GPSM2: variants seen among roughly 807,000 people sequenced by gnomAD.
The protein encoded by GPSM2 is G protein signaling modulator 2.
GPSM2 carries 58 observed loss-of-function variants against 78.4 expected under a neutral mutation model. That is an observed-to-expected ratio of 0.74 (90% CI 0.60 to 0.92). GPSM2 has a LOEUF of 0.92. Ranked by LOEUF, GPSM2 falls within the 40% of genes least tolerant of loss-of-function variation. The pLI, the probability that GPSM2 is intolerant of heterozygous loss-of-function variation, is 0.00. For missense variants in GPSM2, 700 were observed against 815.5 expected (o/e 0.86, Z 1.73); for synonymous variants, 224 against 280.2 (o/e 0.80, Z 2.00).
intron 5 of GPSM2, 150 bp from the exon 6 acceptor site, chr1:108,898,492 C>T (rs1174354755): frequency 1.5e-6 from 1 of 680,478 alleles, no homozygotes; most frequent in African/African-American, 1.8e-5. Flanking sequence ...TATAATTGCT[C>T]TTCATCATAG....
chr1:108,913,723 G>A (rs558752186), intron 10 of GPSM2, among the ~76,000 whole-genome samples: 137 of 152,180 alleles, frequency 9.0e-4, no homozygotes, highest in African/African-American at 2.9e-3. Context: ...TTTTTAAGCT[G>A]GGTATTAGGT....
rs1035818069 is a variant in GPSM2, at chr1:108,914,497, C to G, written c.1263+89C>G. On this transcript the variant is annotated intron_variant, in intron 11 of 14. Transcript: ENST00000264126. ...ATTTAATGAAATAATTTAAATAAGGCTTGCCCTATATAGGTATCACTTTAA... is the reference window on the plus strand; with the variant it reads ...ATTTAATGAAATAATTTAAATAAGGGTTGCCCTATATAGGTATCACTTTAA... The G allele has an allele frequency of 9.1e-6, 9 of 987,860 alleles. No individual in the cohort carries two copies. The African/African-American group carries it at 1.5e-4, about 16-fold the overall frequency. The allele number at this position is 987,860 out of a possible 1,614,324, so 61.2% of individuals were successfully genotyped here. A position where few individuals can be genotyped will look rare whatever the true frequency, so the allele number is the denominator to read the frequency against.
intron 7 of GPSM2, among the ~76,000 whole-genome samples, 167 bp downstream of exon 7, chr1:108,899,161 G>T (rs1207503350): frequency 6.6e-6 from 1 of 152,146 alleles, no homozygotes; most frequent in Non-Finnish European, 1.5e-5. Flanking sequence ...ATGCTGTGAG[G>T]ATTGAATGAA....
chr1:108,896,285 A>G (rs1449177017), intron 2 of GPSM2, among the ~76,000 whole-genome samples: 1 of 152,176 alleles, frequency 6.6e-6, no homozygotes, highest in Non-Finnish European at 1.5e-5. Context: ...TGTCTTACAG[A>G]TCAAGAATAT....
rs976461113 is a variant in GPSM2 at position 108,932,823 on chromosome 1, C to T, written c.*2883C>T. On this transcript the variant is annotated 3_prime_UTR_variant, in exon 15 of 15. Coordinates refer to ENST00000264126, the MANE Select transcript of GPSM2 (RefSeq NM_013296.5). ...TCCTCTGTGTTAAAAATCCTAAAAT[C>T]CTTTTGCATTTCTTAGAAAAAATCA... The T allele has an allele frequency of 6.6e-6, 1 of 151,130 alleles. No homozygotes were observed. The highest frequency in any genetic ancestry group is 2.4e-5 in the African/African-American group (1 of 41,378). The allele number at this position is 151,130 out of a possible 1,614,324, so 9.4% of individuals were successfully genotyped here.
Position 108,930,151 on chromosome 1 carries a change from G to A in GPSM2, c.*211G>A, listed in dbSNP as rs1051868. ...GAGGGGTCCTGTAAGGTGCTTCATC[G>A]TCTGTGATTACTGCTTGGGATGTGT... is the stretch of plus-strand genomic sequence containing the variant. On this transcript the variant is annotated 3_prime_UTR_variant, in exon 15 of 15. Transcript: ENST00000264126. The A allele has an allele frequency of 0.37, 199,526 of 538,930 alleles. 37,494 individuals are homozygous for A. Among genetic ancestry groups the A allele is most frequent in the Admixed American group, 0.41 (12,310 of 30,050 alleles). 33.4% of individuals were successfully genotyped at this position (538,930 alleles called of 1,614,324 possible). A position where few individuals can be genotyped will look rare whatever the true frequency, so the allele number is the denominator to read the frequency against.
At chr1:108,886,575 C>T (rs534602682) in intron 2 of GPSM2, among the ~76,000 whole-genome samples, 1 of 152,344 alleles carries the variant, frequency 6.6e-6, no homozygotes, top group African/African-American at 2.4e-5. Flanking sequence ...TAGAAGGTTG[C>T]AGATTGTAAG....
chr1:108,922,451 T>G lies in GPSM2; in HGVS notation c.1475T>G (p.Phe492Cys), dbSNP rs1438524342. The change falls in exon 13 of 15, where the codon TTC (phenylalanine) becomes TGC (cysteine). Residue 492 changes from phenylalanine to cysteine, a missense_variant. By Grantham distance (205) the Phe-to-Cys change is radical. Transcript: ENST00000264126. The part of the protein sequence containing the change: ...ISADTIGDEG[F>C]FDLLSRFQSN... ...GCAGATACTATTGGAGATGAAGGGT[T>G]CTTTGACTTATTAAGCCGATTTCAA... 4 of 1,612,358 alleles carry G rather than the reference T, an allele frequency of 2.5e-6. No homozygotes were observed. In the African/African-American group the frequency reaches 5.3e-5, roughly 22 times the overall value.
rs746627113 is a variant in GPSM2, at chr1:108,898,111, G to C, written c.557+10G>C. On this transcript the variant is annotated intron_variant, in intron 5 of 14. Transcript: ENST00000264126. The stretch of plus-strand genomic sequence containing the variant: ...CCGTGGATTTTTATGAGTGAGTAGG[G>C]GCTGATATGGGCAGTCATGTAGGCC... 4 of 1,612,486 alleles carry C rather than the reference G, an allele frequency of 2.5e-6. No individual in the cohort carries two copies. The highest frequency in any genetic ancestry group is 2.5e-6 in the Non-Finnish European group (3 of 1,178,608).
rs1648564743 is a variant in GPSM2, at chr1:108,898,696, C to T, written c.612C>T (p.Ala204=). 1.9e-6 allele frequency: 3 copies of T among 1,613,820 alleles called. No individual in the cohort carries two copies. The highest frequency in any genetic ancestry group is 2.7e-5 in the African/African-American group (2 of 74,910). Residue 204 remains alanine, a synonymous_variant, in exon 6 of 15, where the codon GCC becomes GCT. Transcript: ENST00000264126. ...GTGACCGAGCGGCACAAGGACGTGC[C>T]TTTGGAAATCTTGGAAACACACATT... ...ALGDRAAQGR[A]FGNLGNTHYL...
Position 108,930,512 on chromosome 1 carries a change from C to G in GPSM2, c.*572C>G, listed in dbSNP as rs1651760865. 6.6e-6 allele frequency: 1 copy of G among 152,030 alleles called. No individual in the cohort carries two copies. Among genetic ancestry groups the G allele is most frequent in the African/African-American group, 2.4e-5 (1 of 40,994 alleles). The allele number at this position is 152,030 out of a possible 1,614,324, so 9.4% of individuals were successfully genotyped here. ...GTGGCTCATTCCTGTAATCCCAGCA[C>G]ATTGGGAGGCTGAGGCAGGAGGATC... On this transcript the variant is annotated 3_prime_UTR_variant, in exon 15 of 15. Transcript: ENST00000264126.
intron 14 of GPSM2, chr1:108,926,692 A>C (rs12079547): frequency 0.12 from 18,442 of 152,254 alleles, 1,305 homozygotes; most frequent in African/African-American, 0.19. Flanking sequence ...CATGATAAAA[A>C]CTTAAAAATT....
chr1:108,882,026 A>C (rs1665925387), intron 1 of GPSM2, among the ~76,000 whole-genome samples: 1 of 152,198 alleles, frequency 6.6e-6, no homozygotes, highest in Non-Finnish European at 1.5e-5. Context: ...ATCATCGATT[A>C]CTATAACCTC....
intron 2 of GPSM2, among the ~76,000 whole-genome samples, chr1:108,888,617 G>T: frequency 6.6e-6 from 1 of 152,220 alleles, no homozygotes; most frequent in Non-Finnish European, 1.5e-5. Context: ...TGGGATTACA[G>T]GAATGAGCTG....
intron 2 of GPSM2, among the ~76,000 whole-genome samples, chr1:108,893,889 T>G (rs1648159975): frequency 6.6e-6 from 1 of 152,030 alleles, no homozygotes; most frequent in South Asian, 2.1e-4. Context: ...ACCCCATCTC[T>G]ACTAAAAATA....
Position 108,931,245 on chromosome 1 carries a change from A to ATT in GPSM2, c.*1306_*1307dup. The ATT allele has an allele frequency of 2.8e-6, 4 of 1,424,816 alleles. No homozygotes were observed. The highest frequency in any genetic ancestry group is 3.7e-6 in the Non-Finnish European group (4 of 1,077,200). 88.3% of individuals were successfully genotyped at this position (1,424,816 alleles called of 1,614,324 possible). Reference sequence around the variant, plus strand: ...AGAAAACAGATGAAAACTCACAAAAATTAAATATGAAAGAAAGATGTCAGC... The same window carrying ATT: ...AGAAAACAGATGAAAACTCACAAAAATTTTAAATATGAAAGAAAGATGTCAGC... On this transcript the variant is annotated 3_prime_UTR_variant, in exon 15 of 15. Transcript: ENST00000264126.
intron 5 of GPSM2, 24 bp from the exon 6 acceptor site, chr1:108,898,618 T>C (rs1213286435): frequency 1.2e-6 from 2 of 1,612,240 alleles, no homozygotes; most frequent in Admixed American, 1.7e-5. Context: ...ACTTATTTTT[T>C]CATCACTTTT....
intron 10 of GPSM2, among the ~76,000 whole-genome samples, chr1:108,911,823 T>TTTA (rs1382101509): frequency 8.7e-5 from 13 of 149,060 alleles, no homozygotes; most frequent in Non-Finnish European, 1.3e-4. Flanking sequence ...TTTTTTTTTT[T>TTTA]AAAGACAGGC....
chr1:108,881,129 A>G (rs1386925755), intron 1 of GPSM2, among the ~76,000 whole-genome samples: 1 of 152,194 alleles, frequency 6.6e-6, no homozygotes, highest in African/African-American at 2.4e-5. Flanking sequence ...GTTATGTACT[A>G]GTTGATCTTT....
Sources: gnomAD v4.1 joint callset for allele counts (sites outside exome capture counted in the v4.1 genomes callset) on GRCh38, gnomAD v4.1.1 for gene constraint, MANE v1.5 for transcripts, NCBI Gene and HGNC (gene_info 2026-07-23, HGNC 2026-07-21) for gene names.